LEPR: variants seen among roughly 807,000 people sequenced by gnomAD.
The protein encoded by LEPR is OB receptor.
A neutral mutation model predicts 114.7 loss-of-function variants in LEPR; 56 were observed. The ratio of observed to expected loss-of-function variants is 0.49; its 90% confidence interval spans 0.39 to 0.61. LEPR has a LOEUF of 0.61. Among genes scored for constraint, LEPR ranks in the 20% least tolerant of loss-of-function variants. The pLI, the probability that LEPR is intolerant of heterozygous loss-of-function variation, is 0.00. For synonymous variants in LEPR, 443 were observed against 461.4 expected, an observed-to-expected ratio of 0.96 and a Z score of 0.51; for missense variants, 1,202 against 1,352.9, an observed-to-expected ratio of 0.89 and a Z score of 1.75.
chr1:65,571,557 C>T (rs995634768), intron 4 of LEPR, among the ~76,000 whole-genome samples: 8 of 151,354 alleles, frequency 5.3e-5, no homozygotes, highest in African/African-American at 1.9e-4. Context: ...ATATCTTTTC[C>T]TCCCTTAAAA....
At chr1:65,521,443 T>G (rs1649632740) in intron 2 of LEPR, among the ~76,000 whole-genome samples, 1 of 152,112 alleles carries the variant, frequency 6.6e-6, no homozygotes, top group South Asian at 2.1e-4. Flanking sequence ...TAATGACATC[T>G]AGCGACTCCT....
chr1:65,582,817 C>T lies in LEPR; in HGVS notation c.495-9840C>T, dbSNP rs1938488. 4.4e-3 allele frequency among the ~76,000 whole-genome samples: 675 copies of T among 152,182 alleles called. 8 individuals are homozygous for T. The highest frequency in any genetic ancestry group is 0.015 in the African/African-American group (630 of 41,514). On this transcript the variant is annotated intron_variant, in intron 5 of 19. Transcript: ENST00000349533. The stretch of plus-strand genomic sequence containing the variant: ...ATGTTTCTCTCTCAGCTAATAGACA[C>T]GATATAATAACTCCCATTTAAAAAA...
At position 65,637,110 on chromosome 1, in the gene LEPR, TC is replaced by T; in HGVS notation, c.*96del. 6.0e-6 allele frequency: 8 copies of T among 1,343,376 alleles called. No homozygotes were observed. The highest frequency in any genetic ancestry group is 7.2e-6 in the Non-Finnish European group (7 of 975,722). The allele number at this position is 1,343,376 out of a possible 1,614,324, so 83.2% of individuals were successfully genotyped here. ...GTGGGAGAGAGAAAAGAAACCAGAG[TC>T]AAATTTGAAAATAATTGTTCCAAAT... On this transcript the variant is annotated 3_prime_UTR_variant, in exon 20 of 20. Coordinates refer to ENST00000349533, the MANE Select transcript of LEPR (RefSeq NM_002303.6).
chr1:65,573,430 C>G (rs754161359), intron 5 of LEPR, among the ~76,000 whole-genome samples: 1 of 152,090 alleles, frequency 6.6e-6, no homozygotes, highest in Non-Finnish European at 1.5e-5. Flanking sequence ...TTTTCGTATT[C>G]GATCTCTTTA....
Position 65,529,015 on chromosome 1 carries a change from G to T in LEPR, c.-20-36531G>T, listed in dbSNP as rs972471028. On this transcript the variant is annotated intron_variant, in intron 2 of 19. Transcript: ENST00000349533. ...TTTTTAGTAGAGATGGGGTTTCACC[G>T]TGTTAGCCAGGATGGTCTCAATCTC... 4.0e-5 allele frequency among the ~76,000 whole-genome samples: 6 copies of T among 149,308 alleles called. No individual in the cohort carries two copies. In the East Asian group the frequency reaches 9.9e-4, roughly 25 times the overall value.
intron 2 of LEPR, among the ~76,000 whole-genome samples, chr1:65,490,140 AGACTTAAT>A (rs1189258651): frequency 2.6e-5 from 4 of 152,136 alleles, no homozygotes; most frequent in African/African-American, 9.7e-5. Flanking sequence ...GAGGGCTAAA[AGACTTAAT>A]GACTACAAAA....
chr1:65,464,333 A>T (rs1281486880), intron 2 of LEPR, among the ~76,000 whole-genome samples: 1 of 152,108 alleles, frequency 6.6e-6, no homozygotes, highest in African/African-American at 2.4e-5. Flanking sequence ...ACGTTTATTG[A>T]TTTGCATATG....
chr1:65,475,405 G>C (rs892004880), intron 2 of LEPR, among the ~76,000 whole-genome samples: 19 of 152,224 alleles, frequency 1.2e-4, no homozygotes, highest in African/African-American at 4.6e-4. Context: ...AGACAAGTCA[G>C]TCACCTTTTT....
At chr1:65,616,347 A>C (rs553438131) in intron 15 of LEPR, 123 bp downstream of exon 15, 10 of 1,037,746 alleles carry the variant, frequency 9.6e-6, no homozygotes, top group Admixed American at 6.6e-5. Flanking sequence ...TCTCTCTTTC[A>C]CCTTTCATTT....
chr1:65,447,539 T>TG (rs1646728988), intron 2 of LEPR, among the ~76,000 whole-genome samples: 2 of 151,078 alleles, frequency 1.3e-5, no homozygotes, highest in African/African-American at 2.4e-5. Flanking sequence ...CTTTTCTTTT[T>TG]TTTTTTTTTT....
At chr1:65,439,184 A>G (rs1174324883) in intron 2 of LEPR, among the ~76,000 whole-genome samples, 3 of 152,192 alleles carry the variant, frequency 2.0e-5, no homozygotes, top group African/African-American at 7.2e-5. Flanking sequence ...TATTGTTGAG[A>G]CATCAATTTT....
intron 2 of LEPR, among the ~76,000 whole-genome samples, chr1:65,533,662 CTTT>C (rs1419107060): frequency 1.4e-5 from 2 of 147,150 alleles, no homozygotes; most frequent in African/African-American, 4.9e-5. Context: ...CTACATACTT[CTTT>C]ATCTGTGTGA....
chr1:65,515,226 T>C (rs1178762404), intron 2 of LEPR, among the ~76,000 whole-genome samples: 4 of 152,188 alleles, frequency 2.6e-5, no homozygotes, highest in African/African-American at 9.7e-5. Context: ...CACTGTGAGT[T>C]CTCTGCTGAA....
rs74495483 is a variant in LEPR, at chr1:65,521,440, A to C, written c.-20-44106A>C. On this transcript the variant is annotated intron_variant, in intron 2 of 19. Transcript: ENST00000349533. ...TCAACTGATTATGGACTTTAATGAC[A>C]TCTAGCGACTCCTGGATTAGTGTTT... Among the ~76,000 whole-genome samples the C allele has an allele frequency of 6.5e-4, 99 of 152,192 alleles. No individual in the cohort carries two copies. In the East Asian group the frequency reaches 0.018, roughly 28 times the overall value.
Position 65,544,339 on chromosome 1 carries a change from G to A in LEPR, c.-20-21207G>A, listed in dbSNP as rs910884683. ...TTGCTTATCAGCTTAAGGAGATTTT[G>A]GGCTGAGACGATGGGGTTTTCTAAA... On this transcript the variant is annotated intron_variant, in intron 2 of 19. Coordinates refer to ENST00000349533, the MANE Select transcript of LEPR (RefSeq NM_002303.6). Among the ~76,000 whole-genome samples, 4 of 151,966 alleles carry A rather than the reference G, an allele frequency of 2.6e-5. No individual in the cohort carries two copies. The East Asian group carries it at 7.7e-4, about 29-fold the overall frequency.
rs1478406306 is a variant in LEPR, at chr1:65,525,822, G to A, written c.-20-39724G>A. ...CGAGTTGGACCCCCGGATCAAGGTG[G>A]GACCTGCTTCCCTCTCCGACACCCC... On this transcript the variant is annotated intron_variant, in intron 2 of 19. Transcript: ENST00000349533. 1.1e-5 allele frequency: 11 copies of A among 985,634 alleles called. No individual in the cohort carries two copies. The Admixed American group carries it at 4.9e-4, about 44-fold the overall frequency. 61.1% of individuals were successfully genotyped at this position (985,634 alleles called of 1,614,324 possible).
intron 7 of LEPR, among the ~76,000 whole-genome samples, chr1:65,596,927 G>A (rs1187208857): frequency 2.6e-5 from 4 of 151,852 alleles, no homozygotes; most frequent in African/African-American, 4.8e-5. Flanking sequence ...CTAATCATTA[G>A]TCGAGCTTCT....
At chr1:65,615,225 A>G (rs1437943025) in intron 14 of LEPR, among the ~76,000 whole-genome samples, 1 of 152,172 alleles carries the variant, frequency 6.6e-6, no homozygotes, top group African/African-American at 2.4e-5. Flanking sequence ...GTTCTAGTCT[A>G]TGATATACAG....
intron 2 of LEPR, chr1:65,429,744 A>C: frequency 1.2e-6 from 1 of 851,226 alleles, no homozygotes; most frequent in Middle Eastern, 4.1e-4. Flanking sequence ...ATTCACAATT[A>C]ATTAATTTTT....
Sources: allele counts gnomAD v4.1 joint callset (sites outside exome capture counted in the v4.1 genomes callset), GRCh38; gene constraint gnomAD v4.1.1; transcripts MANE v1.5; gene names NCBI Gene and HGNC (gene_info 2026-07-23, HGNC 2026-07-21).